Variants in MECOM observed in about 807,000 individuals in gnomAD.
The protein encoded by MECOM is MDS1 and EVI1 complex locus.
MECOM carries 13 observed loss-of-function variants against 116.3 expected under a neutral mutation model. The observed-to-expected ratio is 0.11, with a 90% CI of 0.07 to 0.18. MECOM has a LOEUF of 0.18. Among genes scored for constraint, MECOM ranks in the 10% least tolerant of loss-of-function variants. MECOM has a pLI of 1.00. For missense variants in MECOM, 1,299 were observed against 1,509.0 expected, an observed-to-expected ratio of 0.86 and a Z score of 2.31; for synonymous variants, 528 against 535.2, an observed-to-expected ratio of 0.99 and a Z score of 0.19.
chr3:169,233,348 T>C (rs1577415519), intron 2 of MECOM, among the ~76,000 whole-genome samples: 1 of 152,138 alleles, frequency 6.6e-6, no homozygotes, highest in Non-Finnish European at 1.5e-5. Flanking sequence ...GGGGATGAAC[T>C]ACTTCTTGGG....
At chr3:169,327,295 T>A (rs1721994616) in intron 2 of MECOM, among the ~76,000 whole-genome samples, 1 of 152,202 alleles carries the variant, frequency 6.6e-6, no homozygotes, top group Admixed American at 6.5e-5. Context: ...AAATTATGTA[T>A]CTTTTAGCCA....
At chr3:169,194,496 A>T (rs1577314048) in intron 2 of MECOM, among the ~76,000 whole-genome samples, 1 of 151,868 alleles carries the variant, frequency 6.6e-6, no homozygotes, top group East Asian at 1.9e-4. Context: ...TTTAAAGGTT[A>T]AAAAAAAGCT....
chr3:169,093,502 A>T (rs1720461479), intron 13 of MECOM, among the ~76,000 whole-genome samples: 1 of 152,128 alleles, frequency 6.6e-6, no homozygotes, highest in African/African-American at 2.4e-5. Flanking sequence ...ATGCCTTTTT[A>T]TTTATTTATT....
intron 1 of MECOM, among the ~76,000 whole-genome samples, chr3:169,659,770 TG>T (rs1050550126): frequency 3.9e-5 from 6 of 152,106 alleles, no homozygotes; most frequent in Non-Finnish European, 7.4e-5. Flanking sequence ...TTTGTTGTTG[TG>T]GGGGGGTTGT....
In MECOM at chr3:169,506,151, G is replaced by C. The variant is rs574991072; in HGVS notation, c.38-124627C>G. 5.9e-5 allele frequency among the ~76,000 whole-genome samples: 9 copies of C among 152,340 alleles called. No homozygotes were observed. The South Asian group carries it at 1.4e-3, about 25-fold the overall frequency. On this transcript the variant is annotated intron_variant, in intron 1 of 16. Transcript: ENST00000651503. ...TAAAAAGAACAGCTCGTTGCAGGCC[G>C]ATAAGCAATGGTGGAGACCACTGGT... is the stretch of plus-strand genomic sequence containing the variant.
chr3:169,473,962 C>T (rs1749957813), intron 1 of MECOM, among the ~76,000 whole-genome samples: 1 of 152,072 alleles, frequency 6.6e-6, no homozygotes, highest in Non-Finnish European at 1.5e-5. Flanking sequence ...AAAGAATACG[C>T]TCGCATCTTT....
intron 2 of MECOM, among the ~76,000 whole-genome samples, chr3:169,225,825 G>A (rs1347957679): frequency 6.6e-6 from 1 of 152,134 alleles, no homozygotes; most frequent in African/African-American, 2.4e-5. Flanking sequence ...GACCAGGCTG[G>A]TCTCGAAATC....
At chr3:169,248,360 T>C (rs1473411302) in intron 2 of MECOM, among the ~76,000 whole-genome samples, 1 of 152,204 alleles carries the variant, frequency 6.6e-6, no homozygotes, top group African/African-American at 2.4e-5. Context: ...ACTCAGTGAT[T>C]TGCAGATAGT....
chr3:169,533,550 T>G (rs1175630421), intron 1 of MECOM, among the ~76,000 whole-genome samples: 4 of 151,072 alleles, frequency 2.6e-5, no homozygotes, highest in African/African-American at 9.7e-5. Context: ...CTATGATTTT[T>G]TCCTCTTATC....
rs897937401 is a variant in MECOM at position 169,115,489 on chromosome 3, G to A, written c.2383C>T (p.His795Tyr). ...CTTCCTTTTTTTCCCCCAAACACGT[G>A]GTTTTTTCGAGGCTCAGTCAGCTTT... ...GTKLTEPRKN[H>Y]VFGGKKGSNV... is the part of the protein sequence containing the mutation. The change falls in exon 8 of 17, where the codon CAC becomes TAC. Residue 795 changes from histidine (H) to tyrosine (Y), a missense_variant. Around this residue, in one of 6 missense-constraint regions of MECOM, gnomAD observed 340 missense variants for 312.6 expected, o/e 1.09. Coordinates refer to ENST00000651503, the MANE Select transcript of MECOM (RefSeq NM_004991.4). The A allele has an allele frequency of 3.1e-6, 5 of 1,614,000 alleles. No individual in the cohort carries two copies. The highest frequency in any genetic ancestry group is 2.7e-5 in the African/African-American group (2 of 74,884).
chr3:169,086,519 G>A (rs1717798677), intron 16 of MECOM: 1 of 699,494 alleles, frequency 1.4e-6, no homozygotes, highest in Non-Finnish European at 2.6e-6. Flanking sequence ...TCACCTAGCT[G>A]TGTGATCTTG....
At chr3:169,194,231 G>C (rs757761373) in intron 2 of MECOM, among the ~76,000 whole-genome samples, 4 of 151,938 alleles carry the variant, frequency 2.6e-5, no homozygotes, top group Admixed American at 6.6e-5. Context: ...GTTTGTCACT[G>C]CATGTTCTCA....
chr3:169,220,324 A>T (rs1361158848), intron 2 of MECOM, among the ~76,000 whole-genome samples: 3 of 152,110 alleles, frequency 2.0e-5, no homozygotes, highest in African/African-American at 7.2e-5. Context: ...AAGCAAAAAG[A>T]AAAGAAAAGA....
intron 1 of MECOM, among the ~76,000 whole-genome samples, chr3:169,392,882 T>G (rs1222905789): frequency 6.6e-6 from 1 of 152,184 alleles, no homozygotes; most frequent in Non-Finnish European, 1.5e-5. Context: ...AACGTGAGCA[T>G]CAGAATATTT....
intron 1 of MECOM, among the ~76,000 whole-genome samples, chr3:169,627,913 G>C (rs564194603): frequency 2.0e-5 from 3 of 152,208 alleles, no homozygotes; most frequent in Non-Finnish European, 2.9e-5. Flanking sequence ...CCGCAGATTT[G>C]AGCAGTGCTG....
intron 1 of MECOM, among the ~76,000 whole-genome samples, chr3:169,505,714 C>G (rs1488531124): frequency 6.6e-6 from 1 of 152,178 alleles, no homozygotes; most frequent in Non-Finnish European, 1.5e-5. Context: ...TTTCAGTTTT[C>G]CATGTTTTAA....
In MECOM at chr3:169,305,840, GT is replaced by G. The variant is rs796996071; in HGVS notation, c.375+75346del. On this transcript the variant is annotated intron_variant, in intron 2 of 16. Coordinates refer to ENST00000651503, the MANE Select transcript of MECOM (RefSeq NM_004991.4). ...CTAGCTTTAACAAAGTTGTGTAAAG[GT>G]TTTTTTTTTTCCCCTTCCCAATGAC... Among the ~76,000 whole-genome samples the G allele has an allele frequency of 8.8e-4, 129 of 146,760 alleles. 1 individual carries two copies. The highest frequency in any genetic ancestry group is 2.4e-3 in the South Asian group (11 of 4,632).
chr3:169,201,997 G>A (rs1825887), intron 2 of MECOM, among the ~76,000 whole-genome samples: 27,400 of 152,012 alleles, frequency 0.18, 2,611 homozygotes, highest in East Asian at 0.31. Flanking sequence ...GGGGTTCCCT[G>A]TAGACTCTGT....
chr3:169,647,349 A>C (rs1560532356), intron 1 of MECOM, among the ~76,000 whole-genome samples: 1 of 152,208 alleles, frequency 6.6e-6, no homozygotes. Flanking sequence ...ACACTCAACA[A>C]CCTTGACTGG....
Sources: allele counts gnomAD v4.1 joint callset (sites outside exome capture counted in the v4.1 genomes callset), GRCh38; gene constraint gnomAD v4.1.1; regional missense constraint gnomAD v4.1.1; transcripts MANE v1.5; gene names NCBI Gene and HGNC (gene_info 2026-07-23, HGNC 2026-07-21).